The following ZFYVE16 variants were observed in gnomAD, a reference collection of about 807,000 sequenced individuals.
The protein encoded by ZFYVE16 is zinc finger FYVE-type containing 16.
In ZFYVE16, 89 loss-of-function variants were observed where a neutral mutation model predicts 138.1. That is an observed-to-expected ratio of 0.64 (90% CI 0.54 to 0.77). The LOEUF (loss-of-function observed/expected upper bound fraction) is 0.77. Among genes scored for constraint, ZFYVE16 ranks in the 30% least tolerant of loss-of-function variants. The probability of loss-of-function intolerance (pLI) is 0.00; values close to 1 mark genes in which losing one functional copy is unlikely to be tolerated. For synonymous variants in ZFYVE16, 596 were observed against 618.3 expected (o/e 0.96, Z 0.53); for missense variants, 1,793 against 1,786.7 (o/e 1.00, Z -0.06).
chr5:80,429,586 A>G (rs953667732), intron 2 of ZFYVE16, among the ~76,000 whole-genome samples: 1 of 152,204 alleles, frequency 6.6e-6, no homozygotes, highest in Non-Finnish European at 1.5e-5. Context: ...GACAGGATCA[A>G]ATTCACACAT....
At chr5:80,417,634 T>C (rs1158605953) in intron 1 of ZFYVE16, among the ~76,000 whole-genome samples, 2 of 152,184 alleles carry the variant, frequency 1.3e-5, no homozygotes, top group Non-Finnish European at 2.9e-5. Flanking sequence ...TTCACTCGTG[T>C]TTTTGTGGCT....
intron 4 of ZFYVE16, among the ~76,000 whole-genome samples, chr5:80,439,378 T>C (rs1750395928): frequency 6.6e-6 from 1 of 152,176 alleles, no homozygotes; most frequent in African/African-American, 2.4e-5. Context: ...AATCTACAGC[T>C]AGTGTTGTGA....
intron 5 of ZFYVE16, among the ~76,000 whole-genome samples, chr5:80,442,481 G>C (rs1380031140): frequency 6.6e-6 from 1 of 152,154 alleles, no homozygotes; most frequent in Non-Finnish European, 1.5e-5. Context: ...AGTCTTGAAG[G>C]AAGTGAGATA....
intron 15 of ZFYVE16, among the ~76,000 whole-genome samples, chr5:80,465,614 G>A (rs182516588): frequency 1.9e-4 from 28 of 151,316 alleles, no homozygotes; most frequent in Admixed American, 1.6e-3. Context: ...TCACTGTGTT[G>A]CCCAGGCTGG....
chr5:80,477,101 CAA>C (rs1249466450), intron 18 of ZFYVE16, 116 bp from the exon 19 acceptor site: 8 of 805,812 alleles, frequency 9.9e-6, no homozygotes, highest in Non-Finnish European at 1.1e-5. Flanking sequence ...ATAAATATAT[CAA>C]ATATTTTATT....
At chr5:80,466,184 C>T (rs1480411379) in intron 15 of ZFYVE16, among the ~76,000 whole-genome samples, 1 of 152,102 alleles carries the variant, frequency 6.6e-6, no homozygotes, top group Non-Finnish European at 1.5e-5. Context: ...CCTCAACCTC[C>T]CAAAGTGCTG....
intron 1 of ZFYVE16, among the ~76,000 whole-genome samples, chr5:80,408,457 C>T (rs1160464654): frequency 6.6e-6 from 1 of 152,236 alleles, no homozygotes; most frequent in Non-Finnish European, 1.5e-5. Flanking sequence ...GTTCGGCGCT[C>T]CTGGGGGAGA....
At chr5:80,452,888 T>TTA (rs1752137136) in intron 11 of ZFYVE16, among the ~76,000 whole-genome samples, 1 of 152,344 alleles carries the variant, frequency 6.6e-6, no homozygotes. Flanking sequence ...GCTGTGATGT[T>TTA]TATATATATG....
intron 5 of ZFYVE16, chr5:80,441,594 C>T: frequency 8.1e-6 from 8 of 985,116 alleles, no homozygotes; most frequent in Non-Finnish European, 8.4e-6. Flanking sequence ...GAGACATATG[C>T]CATGAAGGAT....
Position 80,438,832 on chromosome 5 carries a change from C to G in ZFYVE16, c.2147C>G (p.Ser716Cys). Residue 716 changes from serine to cysteine, a missense_variant, in exon 4 of 19, where the codon TCT becomes TGT. By Grantham distance (112) the Ser-to-Cys change is moderately radical. This residue lies in a region of ZFYVE16 where 1,295 missense variants were observed against 1,204.3 expected (regional missense o/e 1.08). Coordinates refer to ENST00000505560, the MANE Select transcript of ZFYVE16 (RefSeq NM_001284236.3). ...IDIESNSEGGSSFVTANEDSV... is the reference protein window; with the variant it reads ...IDIESNSEGGCSFVTANEDSV... ...ATAGAAAGTAATTCTGAAGGTGGAT[C>G]TAGTTTCGTAACTGCAAATGAAGAT... 6.2e-7 allele frequency: 1 copy of G among 1,614,080 alleles called. No homozygotes were observed. The highest frequency in any genetic ancestry group is 2.2e-5 in the East Asian group (1 of 44,868).
intron 1 of ZFYVE16, among the ~76,000 whole-genome samples, chr5:80,422,316 A>G (rs765946777): frequency 2.0e-5 from 3 of 152,338 alleles, no homozygotes; most frequent in Non-Finnish European, 4.4e-5. Flanking sequence ...CTTGATCCCA[A>G]TACTTGAGGC....
chr5:80,459,529 G>T (rs1314968273), intron 15 of ZFYVE16, 35 bp downstream of exon 15: 1 of 1,562,144 alleles, frequency 6.4e-7, no homozygotes, highest in African/African-American at 1.4e-5. Context: ...TTTTAATGTA[G>T]AGTTATTTTT....
intron 15 of ZFYVE16, among the ~76,000 whole-genome samples, chr5:80,470,802 C>T (rs1175877500): frequency 6.6e-6 from 1 of 152,180 alleles, no homozygotes; most frequent in Non-Finnish European, 1.5e-5. Context: ...TGAGCCACCA[C>T]ACCTGGCCTG....
intron 16 of ZFYVE16, 109 bp from the exon 17 acceptor site, chr5:80,473,645 C>T: frequency 1.5e-6 from 1 of 660,174 alleles, no homozygotes; most frequent in South Asian, 2.6e-5. Context: ...ATATAATTGA[C>T]ATATCTTCTT....
At position 80,436,819 on chromosome 5, in the gene ZFYVE16, C is replaced by T. The variant is rs1561268609; in HGVS notation, c.134C>T (p.Ser45Leu). The change falls in exon 4 of 19, where the codon TCA becomes TTA. Residue 45 changes from serine to leucine, a missense_variant. This residue lies in a region of ZFYVE16 where 1,295 missense variants were observed against 1,204.3 expected (regional missense o/e 1.08). Coordinates refer to ENST00000505560, the MANE Select transcript of ZFYVE16 (RefSeq NM_001284236.3). ...AYDSNHCSVS[S>L]ELASSQRTSL... ...GATTCTAACCACTGCTCAGTTTCTT[C>T]AGAGTTGGCTTCCTCACAGCGAACT... 1 of 1,614,126 alleles carries T rather than the reference C, an allele frequency of 6.2e-7. No individual in the cohort carries two copies. The highest frequency in any genetic ancestry group is 1.7e-5 in the Admixed American group (1 of 60,018).
Position 80,436,898 on chromosome 5 carries a change from A to G in ZFYVE16, c.213A>G (p.Thr71=). ...ECVNSCASSE[T]SYGTNESSLN... ...TTAATAGTTGTGCCTCATCAGAAAC[A>G]AGCTATGGAACAAATGAGAGTTCCC... is the stretch of plus-strand genomic sequence containing the variant. Residue 71 remains threonine, a synonymous_variant, in exon 4 of 19, where the codon ACA becomes ACG. Coordinates refer to ENST00000505560, the MANE Select transcript of ZFYVE16 (RefSeq NM_001284236.3). 1 of 1,614,186 alleles carries G rather than the reference A, an allele frequency of 6.2e-7. No individual in the cohort carries two copies.
At chr5:80,456,435 T>C (rs1453366507) in intron 12 of ZFYVE16, 26 bp from the exon 13 acceptor site, 10 of 1,528,554 alleles carry the variant, frequency 6.5e-6, no homozygotes, top group Non-Finnish European at 9.0e-6. Context: ...GTTAGTAGTT[T>C]ATGGTAATGC....
chr5:80,436,696 T>A, intron 3 of ZFYVE16, 60 bp from the exon 4 acceptor site: 1 of 1,409,440 alleles, frequency 7.1e-7, no homozygotes, highest in South Asian at 1.4e-5. Context: ...GGAAACATAA[T>A]ATGTTTAATA....
intron 1 of ZFYVE16, among the ~76,000 whole-genome samples, chr5:80,408,506 C>A (rs1286666902): frequency 1.3e-5 from 2 of 152,242 alleles, no homozygotes; most frequent in African/African-American, 4.8e-5. Context: ...CTGGCGCCGC[C>A]GTCCCGCCTG....
Sources: allele counts gnomAD v4.1 joint callset (sites outside exome capture counted in the v4.1 genomes callset), GRCh38; gene constraint gnomAD v4.1.1; regional missense constraint gnomAD v4.1.1; transcripts MANE v1.5; gene names NCBI Gene and HGNC (gene_info 2026-07-23, HGNC 2026-07-21).